MFHAS1: variants seen among roughly 807,000 people sequenced by gnomAD.
MFHAS1 encodes multifunctional ROCO family signaling regulator 1.
Under a neutral mutation model 70.4 loss-of-function variants are expected in MFHAS1, and 50 were observed. That is an observed-to-expected ratio of 0.71 (90% CI 0.57 to 0.90). MFHAS1 has a LOEUF of 0.90. MFHAS1 is among the 40% of genes least tolerant of loss of function. The pLI is 0.00. For synonymous variants in MFHAS1, 952 were observed against 620.0 expected, an observed-to-expected ratio of 1.54 and a Z score of -7.96; for missense variants, 1,795 against 1,347.6, an observed-to-expected ratio of 1.33 and a Z score of -5.20.
chr8:8,834,967 T>C (rs2409096), intron 1 of MFHAS1, among the ~76,000 whole-genome samples: 69,294 of 152,044 alleles, frequency 0.46, 16,300 homozygotes, highest in East Asian at 0.74. Flanking sequence ...TAGGTATCCC[T>C]TTTAACTTTC....
At position 8,890,623 on chromosome 8, in the gene MFHAS1, C is replaced by T. The variant is rs763634320; in HGVS notation, c.2436G>A (p.Gln812=). 7 of 1,613,858 alleles carry T rather than the reference C, an allele frequency of 4.3e-6. No homozygotes were observed. The highest frequency in any genetic ancestry group is 5.1e-6 in the Non-Finnish European group (6 of 1,180,016). ...GCAACAGCTGCAAGTCCTGCTGGGC[C>T]TGGACATGAGGCTTAAGCAGCAACC... The part of the protein sequence containing the change: ...VIRLLLKPHV[Q]AQQDLQLLLE... The change falls in exon 1 of 3, where the codon CAG becomes CAA. Residue 812 remains glutamine, a synonymous_variant. Transcript: ENST00000276282.
In MFHAS1 at chr8:8,858,073, C is replaced by A. The variant is rs147529204; in HGVS notation, c.2998+31988G>T. ...TCTGGGTCATTTGCCTGCCTCCACG[C>A]CTGACAGCCTTTGACCTATCCCAAA... On this transcript the variant is annotated intron_variant, in intron 1 of 2. Coordinates refer to ENST00000276282, the MANE Select transcript of MFHAS1 (RefSeq NM_004225.3). 4.9e-3 allele frequency among the ~76,000 whole-genome samples: 740 copies of A among 152,314 alleles called. 3 individuals carry two copies. Among genetic ancestry groups the A allele is most frequent in the Non-Finnish European group, 7.1e-3 (483 of 68,024 alleles).
At chr8:8,888,922 G>A (rs530034089) in intron 1 of MFHAS1, among the ~76,000 whole-genome samples, 4 of 150,660 alleles carry the variant, frequency 2.7e-5, no homozygotes, top group Non-Finnish European at 5.9e-5. Context: ...AGATGTTGAC[G>A]TTGGTGAAGC....
chr8:8,809,335 A>G (rs1402423958), intron 1 of MFHAS1, among the ~76,000 whole-genome samples: 3 of 152,184 alleles, frequency 2.0e-5, no homozygotes, highest in African/African-American at 7.2e-5. Context: ...AAGGTTGGAG[A>G]CAGCTGCTCT....
chr8:8,801,530 T>TTGG (rs1806084607), intron 1 of MFHAS1, among the ~76,000 whole-genome samples: 1 of 152,082 alleles, frequency 6.6e-6, no homozygotes, highest in Non-Finnish European at 1.5e-5. Context: ...TTAAGAAACG[T>TTGG]GCACAGTTCC....
Position 8,880,231 on chromosome 8 carries a change from G to A in MFHAS1, c.2998+9830C>T, listed in dbSNP as rs1533101. Among the ~76,000 whole-genome samples the A allele has an allele frequency of 6.9e-3, 1,051 of 152,274 alleles. 52 individuals carry two copies. The highest frequency in any genetic ancestry group is 0.05 in the Admixed American group (760 of 15,294). ...TAAGTTACACCTTGGAAAGAAAGTTGCTACAAAGCCTGGCAAAAGAATTCC... is the reference window on the plus strand; with the variant it reads ...TAAGTTACACCTTGGAAAGAAAGTTACTACAAAGCCTGGCAAAAGAATTCC... On this transcript the variant is annotated intron_variant, in intron 1 of 2. Transcript: ENST00000276282.
chr8:8,799,126 G>A (rs114546677), intron 1 of MFHAS1, among the ~76,000 whole-genome samples: 121 of 151,910 alleles, frequency 8.0e-4, no homozygotes, highest in African/African-American at 2.8e-3. Flanking sequence ...CCTCAGACAT[G>A]CGTTCCAAGA....
intron 1 of MFHAS1, among the ~76,000 whole-genome samples, chr8:8,888,535 CACACAA>C (rs1563222173): frequency 6.6e-6 from 1 of 152,076 alleles, no homozygotes; most frequent in Non-Finnish European, 1.5e-5. Context: ...CACACACACA[CACACAA>C]AAACAGTTGT....
intron 1 of MFHAS1, among the ~76,000 whole-genome samples, chr8:8,841,671 G>A (rs1189163328): frequency 1.3e-5 from 2 of 152,196 alleles, no homozygotes; most frequent in East Asian, 1.9e-4. Context: ...GCTCCTTCCA[G>A]GCTGCAGAGA....
At position 8,893,108 on chromosome 8, in the gene MFHAS1, A is replaced by C. The variant is rs964396654; in HGVS notation, c.-50T>G. ...CACGCGGACGCGGGAGCCCGCAGCT[A>C]CATGCCGCGCCGCGCCCCGGGCCCT... is the stretch of plus-strand genomic sequence containing the variant. On this transcript the variant is annotated 5_prime_UTR_variant, in exon 1 of 3. An upstream open reading frame in the 5' UTR loses its in-frame stop. Transcript: ENST00000276282. 9 of 1,323,006 alleles carry C rather than the reference A, an allele frequency of 6.8e-6. No individual in the cohort carries two copies. In the African/African-American group the frequency reaches 1.1e-4, roughly 16 times the overall value. The allele number at this position is 1,323,006 out of a possible 1,614,324, so 82.0% of individuals were successfully genotyped here.
Position 8,892,924 on chromosome 8 carries a change from G to A in MFHAS1, c.135C>T (p.Ala45=), listed in dbSNP as rs367889110. 1.0e-3 allele frequency: 1,618 copies of A among 1,550,156 alleles called. 23 individuals carry two copies. The African/African-American group carries it at 0.02, about 19-fold the overall frequency. ...GGGAGGCGGGGGACTCGAGCGCGTC[G>A]GCCCCGGCCCCGGGGCAGGCCCCGG... The part of the protein sequence containing the change: ...TAAGACPGAG[A]DALESPASPQ... The change falls in exon 1 of 3, where the codon GCC becomes GCT. Residue 45 remains alanine, a synonymous_variant. Transcript: ENST00000276282. The surrounding 1 kb of genome is among the most constrained non-coding windows in gnomAD (Gnocchi z 4.7).
At chr8:8,789,596 G>A (rs1418204188) in intron 2 of MFHAS1, among the ~76,000 whole-genome samples, 1 of 152,154 alleles carries the variant, frequency 6.6e-6, no homozygotes, top group African/African-American at 2.4e-5. Context: ...TGAAGCCATG[G>A]CATGTTGTAT....
chr8:8,824,837 G>A (rs1252544376), intron 1 of MFHAS1, among the ~76,000 whole-genome samples: 1 of 152,232 alleles, frequency 6.6e-6, no homozygotes, highest in East Asian at 1.9e-4. Flanking sequence ...AAGGCCCCAA[G>A]GAACCCAGGA....
intron 1 of MFHAS1, among the ~76,000 whole-genome samples, chr8:8,886,200 T>C (rs1411582917): frequency 6.6e-6 from 1 of 151,898 alleles, no homozygotes; most frequent in African/African-American, 2.4e-5. Context: ...TTTTTTTTTT[T>C]AAGAGACAGG....
intron 1 of MFHAS1, among the ~76,000 whole-genome samples, chr8:8,875,724 G>A (rs184918864): frequency 6.6e-6 from 1 of 152,086 alleles, no homozygotes; most frequent in East Asian, 1.9e-4. Context: ...CTGAGTAGCT[G>A]GGATTACAGG....
At chr8:8,811,664 T>G (rs1489639091) in intron 1 of MFHAS1, among the ~76,000 whole-genome samples, 1 of 152,156 alleles carries the variant, frequency 6.6e-6, no homozygotes, top group Non-Finnish European at 1.5e-5. Context: ...GGACGTAAGC[T>G]CCACAAGAGT....
chr8:8,834,714 C>A (rs895300573), intron 1 of MFHAS1, among the ~76,000 whole-genome samples: 3 of 152,140 alleles, frequency 2.0e-5, no homozygotes, highest in Non-Finnish European at 4.4e-5. Flanking sequence ...CTCAGTATCC[C>A]CATCATTAAG....
At chr8:8,789,947 C>T (rs975009956) in intron 2 of MFHAS1, among the ~76,000 whole-genome samples, 4 of 152,152 alleles carry the variant, frequency 2.6e-5, no homozygotes. Flanking sequence ...CCCCTCTCCC[C>T]TCCTGCCCCC....
intron 1 of MFHAS1, among the ~76,000 whole-genome samples, chr8:8,863,196 T>TA (rs1808731031): frequency 6.6e-6 from 1 of 152,360 alleles, no homozygotes. Flanking sequence ...TGTTTATACT[T>TA]ACGCCAATAC....
Sources: allele counts gnomAD v4.1 joint callset (sites outside exome capture counted in the v4.1 genomes callset), GRCh38; gene constraint gnomAD v4.1.1; non-coding constraint Gnocchi (gnomAD v3.1); transcripts MANE v1.5; gene names NCBI Gene and HGNC (gene_info 2026-07-23, HGNC 2026-07-21).